Variants in GALNT3 observed in about 807,000 individuals in gnomAD.
GALNT3 encodes the protein polypeptide N-acetylgalactosaminyltransferase 3, also known as GalNAc transferase 3.
In GALNT3, 51 loss-of-function variants were observed where a neutral mutation model predicts 69.8. The ratio of observed to expected loss-of-function variants is 0.73; its 90% CI spans 0.58 to 0.92. The LOEUF (loss-of-function observed/expected upper bound fraction) is 0.92. GALNT3 is among the 40% of genes least tolerant of loss of function. GALNT3 has a pLI of 0.00. For missense variants in GALNT3, 711 were observed against 760.0 expected, an observed-to-expected ratio of 0.94 and a Z score of 0.76; for synonymous variants, 265 against 248.5, an observed-to-expected ratio of 1.07 and a Z score of -0.63.
intron 2 of GALNT3, among the ~76,000 whole-genome samples, chr2:165,769,833 C>T (rs1365306475): frequency 6.6e-6 from 1 of 152,104 alleles, no homozygotes; most frequent in African/African-American, 2.4e-5. Flanking sequence ...GGAAACAATT[C>T]CTCTACCTTC....
chr2:165,749,926 AG>A, intron 9 of GALNT3, 32 bp from the exon 10 acceptor site: 4 of 1,609,152 alleles, frequency 2.5e-6, no homozygotes, highest in Non-Finnish European at 2.6e-6. Flanking sequence ...TACTGACAAA[AG>A]CAACCCATGT....
At position 165,754,990 on chromosome 2, in the gene GALNT3, A is replaced by G; in HGVS notation, c.1466T>C (p.Leu489Pro). ...ATACACCTCTGGATAAATGTTGTTC[A>G]GATACCATGTAAAATTTTTACACTG... is the stretch of plus-strand genomic sequence containing the variant. ...RLQCKNFTWY[L>P]NNIYPEVYVP... The change falls in exon 8 of 11, where the codon CTG (leucine) becomes CCG (proline). Residue 489 changes from leucine (L) to proline (P), a missense_variant. Coordinates refer to ENST00000392701, the MANE Select transcript of GALNT3 (RefSeq NM_004482.4). 6.2e-7 allele frequency: 1 copy of G among 1,612,778 alleles called. No individual in the cohort carries two copies. The highest frequency in any genetic ancestry group is 8.5e-7 in the Non-Finnish European group (1 of 1,178,900).
At position 165,755,074 on chromosome 2, in the gene GALNT3, A is replaced by T; in HGVS notation, c.1393-11T>A. ...ATCACCAAATGCTTTCTGTAGAAAC[A>T]TGAGAAATGAAGGGAATGCTTAATT... is the stretch of plus-strand genomic sequence containing the variant. On this transcript the variant is annotated splice_polypyrimidine_tract_variant and intron_variant, in intron 7 of 10. Coordinates refer to ENST00000392701, the MANE Select transcript of GALNT3 (RefSeq NM_004482.4). 6.2e-7 allele frequency: 1 copy of T among 1,608,106 alleles called. No individual in the cohort carries two copies. The highest frequency in any genetic ancestry group is 2.2e-5 in the East Asian group (1 of 44,734).
chr2:165,766,913 A>T (rs1401792761), intron 2 of GALNT3, among the ~76,000 whole-genome samples: 2 of 152,216 alleles, frequency 1.3e-5, no homozygotes, highest in East Asian at 3.8e-4. Flanking sequence ...TCAAGAGAAG[A>T]TGTCAACAAC....
chr2:165,772,475 C>T (rs953850234), intron 1 of GALNT3, among the ~76,000 whole-genome samples: 1 of 148,964 alleles, frequency 6.7e-6, no homozygotes, highest in Non-Finnish European at 1.5e-5. Context: ...GTCCCAGCTA[C>T]TCAGGTGGCT....
intron 4 of GALNT3, 78 bp downstream of exon 4, chr2:165,761,827 G>T (rs1313376080): frequency 2.0e-6 from 3 of 1,513,236 alleles, no homozygotes; most frequent in Non-Finnish European, 2.8e-6. Context: ...ATTTAGAAAA[G>T]AAAAGACTTC....
At chr2:165,749,989 C>G (rs1036787279) in intron 9 of GALNT3, 95 bp from the exon 10 acceptor site, 16 of 1,112,406 alleles carry the variant, frequency 1.4e-5, no homozygotes, top group Non-Finnish European at 2.0e-5. Context: ...ATAATAAAGT[C>G]ATTTCTATTT....
chr2:165,749,996 A>G (rs994867188), intron 9 of GALNT3, 102 bp from the exon 10 acceptor site: 2 of 1,048,326 alleles, frequency 1.9e-6, no homozygotes, highest in Non-Finnish European at 2.9e-6. Flanking sequence ...AGTCATTTCT[A>G]TTTCAACAAA....
intron 1 of GALNT3, among the ~76,000 whole-genome samples, chr2:165,791,855 G>A (rs1683360125): frequency 6.6e-6 from 1 of 152,152 alleles, no homozygotes. Context: ...GCCTTCACTG[G>A]GTAGTTTCCA....
At chr2:165,768,785 T>C (rs934420497) in intron 2 of GALNT3, among the ~76,000 whole-genome samples, 2 of 118,620 alleles carry the variant, frequency 1.7e-5, no homozygotes, top group African/African-American at 6.4e-5. Context: ...TTTGCTTATC[T>C]TGTACTCTTT....
chr2:165,777,218 T>A (rs988563901), intron 1 of GALNT3, among the ~76,000 whole-genome samples: 1 of 152,188 alleles, frequency 6.6e-6, no homozygotes, highest in Non-Finnish European at 1.5e-5. Flanking sequence ...TCTAATTTGG[T>A]ATACAAAACT....
chr2:165,788,466 GGTGTGTGTGTGTGTGTGTGTGTGTGTGT>G (rs148293638), intron 1 of GALNT3, among the ~76,000 whole-genome samples: 1 of 139,530 alleles, frequency 7.2e-6, no homozygotes, highest in Non-Finnish European at 1.5e-5. Flanking sequence ...AATCCAAAAG[GGTGTGTGTGTGTGTGTGTGTGTGTGTGT>G]GTGTGTGTGT....
At chr2:165,760,602 C>T (rs1688528039) in intron 4 of GALNT3, among the ~76,000 whole-genome samples, 2 of 152,160 alleles carry the variant, frequency 1.3e-5, no homozygotes, top group African/African-American at 4.8e-5. Flanking sequence ...CTTTTTAAAG[C>T]ACCTCTCTAG....
chr2:165,779,620 TG>T (rs1386917216), intron 1 of GALNT3, among the ~76,000 whole-genome samples: 4 of 152,176 alleles, frequency 2.6e-5, no homozygotes, highest in African/African-American at 9.7e-5. Context: ...ATTGGAAAGT[TG>T]ATCTCCAACG....
chr2:165,792,460 T>C (rs1318023074), intron 1 of GALNT3, among the ~76,000 whole-genome samples: 1 of 152,188 alleles, frequency 6.6e-6, no homozygotes, highest in Non-Finnish European at 1.5e-5. Context: ...TCAGGTGAGA[T>C]CCTTTTAAGA....
At chr2:165,780,034 C>T (rs1242528004) in intron 1 of GALNT3, among the ~76,000 whole-genome samples, 1 of 152,066 alleles carries the variant, frequency 6.6e-6, no homozygotes, top group East Asian at 1.9e-4. Context: ...CTGGCTGATC[C>T]CCGCAGGGGC....
chr2:165,770,675 T>C lies in GALNT3; in HGVS notation c.26A>G (p.Lys9Arg), dbSNP rs1381243875. Residue 9 changes from lysine to arginine, a missense_variant, in exon 2 of 11, where the codon AAA becomes AGA. By Grantham distance (26) the Lys-to-Arg change is conservative (BLOSUM62 2). Transcript: ENST00000392701. ...ATGGTAATGTCTTTTAATGTGTAAT[T>C]TTACTAGTCGCTTTAGGTGAGCCAT... MAHLKRLV[K>R]LHIKRHYHKK... 1 of 1,604,920 alleles carries C rather than the reference T, an allele frequency of 6.2e-7. No individual in the cohort carries two copies. Among genetic ancestry groups the C allele is most frequent in the Admixed American group, 1.7e-5 (1 of 59,580 alleles).
intron 1 of GALNT3, among the ~76,000 whole-genome samples, chr2:165,773,992 T>C (rs1688800486): frequency 6.6e-6 from 1 of 152,112 alleles, no homozygotes; most frequent in Admixed American, 6.5e-5. Context: ...AGAGAGTAGT[T>C]GTAGTCATGC....
intron 8 of GALNT3, 48 bp downstream of exon 8, chr2:165,754,884 T>C (rs367867899): frequency 6.9e-6 from 11 of 1,594,806 alleles, no homozygotes; most frequent in Non-Finnish European, 9.5e-6. Context: ...ACATAAAGGT[T>C]GGTGGCAAGG....
Sources: gnomAD v4.1 joint callset for allele counts (sites outside exome capture counted in the v4.1 genomes callset) on GRCh38, gnomAD v4.1.1 for gene constraint, MANE v1.5 for transcripts, NCBI Gene and HGNC (gene_info 2026-07-23, HGNC 2026-07-21) for gene names.